PHC2: variants seen among roughly 807,000 people sequenced by gnomAD.
PHC2 encodes the protein polyhomeotic homolog 2, also known as polyhomeotic-like protein 2.
In PHC2, 29 loss-of-function variants were observed where a neutral mutation model predicts 87.4. The ratio of observed to expected loss-of-function variants is 0.33; its 90% CI spans 0.25 to 0.45. The LOEUF is 0.45. Among genes scored for constraint, PHC2 ranks in the 20% least tolerant of loss-of-function variants. The pLI is 1.00. For synonymous variants in PHC2, 438 were observed against 461.7 expected, an observed-to-expected ratio of 0.95 and a Z score of 0.66; for missense variants, 857 against 1,136.7, an observed-to-expected ratio of 0.75 and a Z score of 3.54.
intron 1 of PHC2, among the ~76,000 whole-genome samples, chr1:33,384,548 C>T (rs1362469036): frequency 2.0e-5 from 3 of 152,174 alleles, no homozygotes; most frequent in African/African-American, 7.2e-5. Flanking sequence ...AGCTTCATTG[C>T]CTACCACGTG....
intron 1 of PHC2, among the ~76,000 whole-genome samples, chr1:33,386,245 C>T (rs1055272463): frequency 7.3e-5 from 11 of 151,142 alleles, no homozygotes; most frequent in South Asian, 2.1e-4. Flanking sequence ...TGGCTGAGTG[C>T]GGTGGCTTAC....
At chr1:33,386,867 A>G (rs1039733658) in intron 1 of PHC2, among the ~76,000 whole-genome samples, 1 of 152,176 alleles carries the variant, frequency 6.6e-6, no homozygotes, top group African/African-American at 2.4e-5. Flanking sequence ...CACACACAGC[A>G]CACATGTGCA....
At chr1:33,407,615 A>G (rs1028883265) in intron 1 of PHC2, among the ~76,000 whole-genome samples, 1 of 152,086 alleles carries the variant, frequency 6.6e-6, no homozygotes, top group Non-Finnish European at 1.5e-5. Context: ...CAGATTTCTT[A>G]CCCTGGGCAG....
At chr1:33,366,882 C>CA (rs1459828861) in intron 7 of PHC2, among the ~76,000 whole-genome samples, 1 of 152,220 alleles carries the variant, frequency 6.6e-6, no homozygotes, top group African/African-American at 2.4e-5. Context: ...GCTGTGCCTA[C>CA]AGTGCAGAAG....
chr1:33,337,488 G>A (rs1646663940), intron 9 of PHC2, among the ~76,000 whole-genome samples: 1 of 152,182 alleles, frequency 6.6e-6, no homozygotes, highest in Non-Finnish European at 1.5e-5. Flanking sequence ...TTAGAGACTG[G>A]TCTCTATCAT....
In PHC2 at chr1:33,331,552, T is replaced by G. The variant is rs1646497936; in HGVS notation, c.1892-90A>C. 2 of 719,506 alleles carry G rather than the reference T, an allele frequency of 2.8e-6. No homozygotes were observed. Among genetic ancestry groups the G allele is most frequent in the East Asian group, 5.0e-5 (2 of 39,922 alleles). The allele number at this position is 719,506 out of a possible 1,614,324, so 44.6% of individuals were successfully genotyped here. On this transcript the variant is annotated intron_variant, in intron 11 of 14. Coordinates refer to ENST00000683057, the MANE Select transcript of PHC2 (RefSeq NM_001385109.1). This position sits in a 1 kb window ranked among gnomAD's most constrained non-coding sequence, Gnocchi z 5.2. ...ACCACGGGGCCTCCCTACTCCATCC[T>G]GCCTGGTCCTCCTGCTCCCACAGCT...
Position 33,330,192 on chromosome 1 carries a change from T to C in PHC2, c.2027A>G (p.Lys676Arg). 6.2e-7 allele frequency: 1 copy of C among 1,614,158 alleles called. No homozygotes were observed. The highest frequency in any genetic ancestry group is 8.5e-7 in the Non-Finnish European group (1 of 1,180,028). ...GTCTGAGTGGAAAAGTCCCACCCGT[T>C]TGGTGCATCCCACGTTGTACCTTCA... ...CAKRYNVGCT[K>R]RVGLFHSDRS... The change falls in exon 13 of 15, where the codon AAA (lysine) becomes AGA (arginine). Residue 676 changes from lysine (K) to arginine (R), a missense_variant. By Grantham distance (26) the Lys-to-Arg change is conservative. Transcript: ENST00000683057.
At chr1:33,421,311 A>G (rs1650427087) in intron 1 of PHC2, among the ~76,000 whole-genome samples, 1 of 152,176 alleles carries the variant, frequency 6.6e-6, no homozygotes, top group East Asian at 1.9e-4. Context: ...CTAGTAAAGG[A>G]CAGGAAGTAG....
Position 33,332,484 on chromosome 1 carries a change from G to T in PHC2, c.1762-80C>A. 1 of 1,517,614 alleles carries T rather than the reference G, an allele frequency of 6.6e-7. No homozygotes were observed. The highest frequency in any genetic ancestry group is 9.1e-7 in the Non-Finnish European group (1 of 1,097,538). 94.0% of individuals were successfully genotyped at this position (1,517,614 alleles called of 1,614,324 possible). ...CTATCCATCCTCATCACAATTACAC[G>T]TATAAAGTATCCAGGCACAGAGGCC... On this transcript the variant is annotated intron_variant, in intron 10 of 14. Coordinates refer to ENST00000683057, the MANE Select transcript of PHC2 (RefSeq NM_001385109.1). The surrounding 1 kb of genome is among the most constrained non-coding windows in gnomAD (Gnocchi z 4.2).
At chr1:33,428,044 A>G (rs549604600) in intron 1 of PHC2, among the ~76,000 whole-genome samples, 1 of 152,288 alleles carries the variant, frequency 6.6e-6, no homozygotes, top group Non-Finnish European at 1.5e-5. Flanking sequence ...ACCACGCATT[A>G]AGCATCTCAA....
Position 33,331,552 on chromosome 1 carries a change from T to TGCCTGGTCC in PHC2, c.1892-99_1892-91dup. On this transcript the variant is annotated intron_variant, in intron 11 of 14. Coordinates refer to ENST00000683057, the MANE Select transcript of PHC2 (RefSeq NM_001385109.1). The surrounding 1 kb of genome is among the most constrained non-coding windows in gnomAD (Gnocchi z 5.2). Reference sequence around the variant, plus strand: ...ACCACGGGGCCTCCCTACTCCATCCTGCCTGGTCCTCCTGCTCCCACAGCT... The same window carrying TGCCTGGTCC: ...ACCACGGGGCCTCCCTACTCCATCCTGCCTGGTCCGCCTGGTCCTCCTGCTCCCACAGCT... The TGCCTGGTCC allele has an allele frequency of 1.4e-6, 1 of 719,506 alleles. No individual in the cohort carries two copies. The highest frequency in any genetic ancestry group is 1.7e-5 in the South Asian group (1 of 60,314). 44.6% of individuals were successfully genotyped at this position (719,506 alleles called of 1,614,324 possible). A position where few individuals can be genotyped will look rare whatever the true frequency, so the allele number is the denominator to read the frequency against.
intron 9 of PHC2, among the ~76,000 whole-genome samples, chr1:33,338,875 T>G (rs1242295459): frequency 1.3e-5 from 2 of 150,336 alleles, no homozygotes; most frequent in African/African-American, 2.5e-5. Flanking sequence ...TAGGCTTCGG[T>G]GGGGGAAGGG....
intron 1 of PHC2, among the ~76,000 whole-genome samples, chr1:33,425,572 G>A (rs1196949144): frequency 6.6e-6 from 1 of 152,212 alleles, no homozygotes; most frequent in Non-Finnish European, 1.5e-5. Flanking sequence ...TATCAAAGAG[G>A]AAGATTACTA....
chr1:33,426,676 A>G (rs549874807), intron 1 of PHC2, among the ~76,000 whole-genome samples: 1 of 152,214 alleles, frequency 6.6e-6, no homozygotes, highest in Admixed American at 6.5e-5. Flanking sequence ...TTTGCCCTTC[A>G]CACCAGCAAA....
intron 12 of PHC2, among the ~76,000 whole-genome samples, chr1:33,330,566 G>C (rs1323375701): frequency 6.6e-6 from 1 of 152,206 alleles, no homozygotes; most frequent in African/African-American, 2.4e-5. Context: ...ACTGTCCACT[G>C]TCCTGCTGGG....
chr1:33,401,073 T>A (rs1014971590), intron 1 of PHC2, among the ~76,000 whole-genome samples: 1 of 152,198 alleles, frequency 6.6e-6, no homozygotes, highest in African/African-American at 2.4e-5. Context: ...ACGTCTGTAA[T>A]CCTAGCACTT....
chr1:33,421,822 C>T (rs191415040), intron 1 of PHC2, among the ~76,000 whole-genome samples: 3 of 152,290 alleles, frequency 2.0e-5, no homozygotes, highest in African/African-American at 4.8e-5. Context: ...AAAGGTTCTT[C>T]GCTAACTGCA....
At chr1:33,348,695 AT>A (rs1013592993) in intron 9 of PHC2, among the ~76,000 whole-genome samples, 5 of 152,220 alleles carry the variant, frequency 3.3e-5, no homozygotes, top group African/African-American at 9.7e-5. Flanking sequence ...CACGGGAGAT[AT>A]CCGAGGGGAA....
intron 9 of PHC2, among the ~76,000 whole-genome samples, chr1:33,351,820 T>G (rs1374575074): frequency 6.6e-6 from 1 of 151,942 alleles, no homozygotes; most frequent in African/African-American, 2.4e-5. Context: ...GGCATGGTGG[T>G]GTGCACCTGT....
Sources: allele counts gnomAD v4.1 joint callset (sites outside exome capture counted in the v4.1 genomes callset), GRCh38; gene constraint gnomAD v4.1.1; non-coding constraint Gnocchi (gnomAD v3.1); transcripts MANE v1.5; gene names NCBI Gene and HGNC (gene_info 2026-07-23, HGNC 2026-07-21).